CNTRL: variants seen among roughly 807,000 people sequenced by gnomAD.
The protein encoded by CNTRL is centriolin.
In CNTRL, 233 loss-of-function variants were observed where a neutral mutation model predicts 303.7. The observed-to-expected ratio is 0.77, with a 90% confidence interval of 0.69 to 0.86. The LOEUF is 0.86. CNTRL is among the 40% of genes least tolerant of loss of function. The pLI, the probability that CNTRL is intolerant of heterozygous loss-of-function variation, is 0.00. For missense variants in CNTRL, 2,524 were observed against 2,650.6 expected (o/e 0.95, Z 1.05); for synonymous variants, 900 against 922.2 (o/e 0.98, Z 0.44).
At chr9:121,147,953 A>G (rs1379789182) in intron 23 of CNTRL, among the ~76,000 whole-genome samples, 1 of 152,218 alleles carries the variant, frequency 6.6e-6, no homozygotes, top group Admixed American at 6.5e-5. Flanking sequence ...GTAGCAGAGT[A>G]GAGCTTTAAA....
chr9:121,084,081 T>A (rs2048251573), intron 2 of CNTRL, among the ~76,000 whole-genome samples: 1 of 152,210 alleles, frequency 6.6e-6, no homozygotes, highest in South Asian at 2.1e-4. Context: ...TTCATTAAAT[T>A]TTTTTTCTAA....
chr9:121,104,585 TAGAC>T (rs2049363324), intron 7 of CNTRL, among the ~76,000 whole-genome samples: 1 of 151,076 alleles, frequency 6.6e-6, no homozygotes. Flanking sequence ...GAAAATCAGA[TAGAC>T]TGGAGGACAG....
At chr9:121,077,870 C>G (rs2047988292) in intron 1 of CNTRL, among the ~76,000 whole-genome samples, 1 of 152,038 alleles carries the variant, frequency 6.6e-6, no homozygotes, top group Non-Finnish European at 1.5e-5. Context: ...CACTTGAGCC[C>G]AGGAAGGCAA....
At chr9:121,168,710 T>TTTGCTTTTA (rs2053189272) in intron 38 of CNTRL, among the ~76,000 whole-genome samples, 1 of 152,240 alleles carries the variant, frequency 6.6e-6, no homozygotes, top group Non-Finnish European at 1.5e-5. Flanking sequence ...GCATAGTGAA[T>TTTGCTTTTA]GGTACCAGAA....
chr9:121,166,907 G>A (rs1401427820), intron 36 of CNTRL, among the ~76,000 whole-genome samples: 3 of 152,084 alleles, frequency 2.0e-5, no homozygotes, highest in African/African-American at 7.2e-5. Context: ...TGTAATCCCA[G>A]CTACTCGGGA....
At chr9:121,154,601 T>A in intron 26 of CNTRL, 120 bp from the exon 27 acceptor site, 1 of 618,534 alleles carries the variant, frequency 1.6e-6, no homozygotes, top group Non-Finnish European at 2.8e-6. Context: ...GTAGCAGTCT[T>A]TCTTACCTAT....
At chr9:121,139,763 G>T (rs1385188859) in intron 16 of CNTRL, among the ~76,000 whole-genome samples, 1 of 151,980 alleles carries the variant, frequency 6.6e-6, no homozygotes, top group Admixed American at 6.6e-5. Flanking sequence ...GTTTCATTTT[G>T]TCCACCTCTT....
At chr9:121,148,139 T>C (rs1005163670) in intron 23 of CNTRL, among the ~76,000 whole-genome samples, 1 of 152,120 alleles carries the variant, frequency 6.6e-6, no homozygotes, top group Non-Finnish European at 1.5e-5. Context: ...CCCGGGAGTC[T>C]CATCACTATG....
intron 4 of CNTRL, among the ~76,000 whole-genome samples, chr9:121,094,652 T>C (rs2048812823): frequency 6.6e-6 from 1 of 152,184 alleles, no homozygotes; most frequent in Non-Finnish European, 1.5e-5. Flanking sequence ...AGTCTTGAGC[T>C]TCTTAGTATA....
At chr9:121,144,212 T>G (rs954591755) in intron 20 of CNTRL, 130 bp downstream of exon 20, 37 of 786,478 alleles carry the variant, frequency 4.7e-5, no homozygotes, top group African/African-American at 7.0e-5. Flanking sequence ...CTGTTTTTCT[T>G]AAGACCTAAA....
At chr9:121,159,160 T>C (rs1295284830) in intron 31 of CNTRL, 141 bp downstream of exon 31, 3 of 816,114 alleles carry the variant, frequency 3.7e-6, no homozygotes, top group Non-Finnish European at 5.7e-6. Context: ...TTGGTGTTGT[T>C]ACATATCCAT....
At chr9:121,104,990 G>A (rs1251353683) in intron 7 of CNTRL, among the ~76,000 whole-genome samples, 1 of 152,188 alleles carries the variant, frequency 6.6e-6, no homozygotes, top group African/African-American at 2.4e-5. Flanking sequence ...CATTACAGGC[G>A]TGAGCCACCA....
At position 121,115,967 on chromosome 9, in the gene CNTRL, C is replaced by T. The variant is rs539605102; in HGVS notation, c.1455+767C>T. ...ACTATATGTCAGTCACTGGGCTGGG[C>T]GCTGATTAATGAACAAAATAGACAT... On this transcript the variant is annotated intron_variant, in intron 11 of 43. Coordinates refer to ENST00000373855, the MANE Select transcript of CNTRL (RefSeq NM_007018.6). Among the ~76,000 whole-genome samples the T allele has an allele frequency of 1.1e-4, 16 of 151,608 alleles. No homozygotes were observed. In the South Asian group the frequency reaches 1.7e-3, roughly 16 times the overall value.
At chr9:121,114,952 A>C in intron 10 of CNTRL, 139 bp from the exon 11 acceptor site, 4 of 536,566 alleles carry the variant, frequency 7.5e-6, no homozygotes, top group Non-Finnish European at 1.3e-5. Context: ...TAATTACTTT[A>C]AAATTTTTTT....
chr9:121,156,038 T>C (rs2052549395), intron 27 of CNTRL, among the ~76,000 whole-genome samples: 1 of 152,082 alleles, frequency 6.6e-6, no homozygotes, highest in African/African-American at 2.4e-5. Context: ...GTTCCTTCTG[T>C]TGTCATATGT....
chr9:121,114,587 A>C (rs1023247356), intron 10 of CNTRL, among the ~76,000 whole-genome samples: 14 of 152,188 alleles, frequency 9.2e-5, no homozygotes, highest in Non-Finnish European at 1.2e-4. Context: ...TATAGGACAG[A>C]GGGAGAGAGA....
At chr9:121,173,211 A>G in intron 40 of CNTRL, 32 bp from the exon 41 acceptor site, 1 of 1,573,470 alleles carries the variant, frequency 6.4e-7, no homozygotes, top group Non-Finnish European at 8.6e-7. Context: ...GAAATTTTAT[A>G]CAATGATATT....
rs768076262 is a variant in CNTRL at position 121,154,786 on chromosome 9, A to C, written c.4238A>C (p.His1413Pro). Residue 1413 changes from histidine (H) to proline (P), a missense_variant, in exon 27 of 44, where the codon CAT becomes CCT. His to Pro is a moderately conservative substitution (Grantham distance 77, BLOSUM62 -2). Coordinates refer to ENST00000373855, the MANE Select transcript of CNTRL (RefSeq NM_007018.6). ...CTAGAAATAGAAAAATCACTCAAAC[A>C]TCATGAAGATATTGTAGATGAAATT... ...TELEIEKSLKHHEDIVDEIEC... is the reference protein window; with the variant it reads ...TELEIEKSLKPHEDIVDEIEC... 1.6e-5 allele frequency: 26 copies of C among 1,612,054 alleles called. 1 individual carries two copies. Among genetic ancestry groups the C allele is most frequent in the Non-Finnish European group, 2.0e-5 (24 of 1,178,230 alleles).
At chr9:121,158,683 G>A in intron 30 of CNTRL, 172 bp from the exon 31 acceptor site, 1 of 616,736 alleles carries the variant, frequency 1.6e-6, no homozygotes. Context: ...AAGTATGTGA[G>A]CTCAAGGTTT....
Sources: allele counts gnomAD v4.1 joint callset (sites outside exome capture counted in the v4.1 genomes callset), GRCh38; gene constraint gnomAD v4.1.1; transcripts MANE v1.5; gene names NCBI Gene and HGNC (gene_info 2026-07-23, HGNC 2026-07-21).